The following WFDC3 variants were observed in gnomAD, a reference collection of about 807,000 sequenced individuals.
WFDC3 encodes the protein WAP four-disulfide core domain protein 3.
Under a neutral mutation model 25.8 loss-of-function variants are expected in WFDC3, and 15 were observed. The ratio of observed to expected loss-of-function variants is 0.58; its 90% CI spans 0.39 to 0.89. WFDC3 has a LOEUF of 0.89. WFDC3 is among the 40% of genes least tolerant of loss of function. WFDC3 has a pLI of 0.00. For synonymous variants in WFDC3, 103 were observed against 107.1 expected (o/e 0.96, Z 0.24); for missense variants, 264 against 289.8 (o/e 0.91, Z 0.65).
At chr20:45,784,513 C>T (rs1234081870) in intron 4 of WFDC3, among the ~76,000 whole-genome samples, 1 of 152,128 alleles carries the variant, frequency 6.6e-6, no homozygotes, top group Non-Finnish European at 1.5e-5. Flanking sequence ...AGGCCAAGGC[C>T]GGTGGATCAC....
rs1980756840 is a variant in WFDC3 at position 45,787,870 on chromosome 20, C to T, written c.324G>A (p.Lys108=). ...VKKCCTLGCN[K]SCVVPISKQK... is the part of the protein sequence containing the mutation. ...GTTTAGAGATTGGGACTACACAGCT[C>T]TTGTTGCAGCCAAGCGTGCAGCATT... Residue 108 remains lysine, a synonymous_variant, in exon 4 of 7, where the codon AAG becomes AAA. Transcript: ENST00000243938. 6.2e-7 allele frequency: 1 copy of T among 1,614,052 alleles called. No homozygotes were observed. Among genetic ancestry groups the T allele is most frequent in the Non-Finnish European group, 8.5e-7 (1 of 1,179,962 alleles).
chr20:45,788,918 C>T lies in WFDC3; in HGVS notation c.211+13G>A, dbSNP rs779471079. ...GAGAGTATGCCCAGATTTTGCCCCT[C>T]ATGCCAACATACCCTTAGGAATGTC... On this transcript the variant is annotated intron_variant, in intron 3 of 6. Transcript: ENST00000243938. The T allele has an allele frequency of 5.0e-6, 8 of 1,601,862 alleles. No individual in the cohort carries two copies. Among genetic ancestry groups the T allele is most frequent in the Non-Finnish European group, 6.8e-6 (8 of 1,175,286 alleles).
intron 6 of WFDC3, among the ~76,000 whole-genome samples, chr20:45,775,027 C>G (rs956462371): frequency 1.3e-5 from 2 of 151,928 alleles, no homozygotes; most frequent in African/African-American, 4.8e-5. Flanking sequence ...ATATCCCACA[C>G]ATTCCCACCC....
intron 3 of WFDC3, 199 bp downstream of exon 3, chr20:45,788,732 G>A (rs778597443): frequency 8.4e-5 from 51 of 605,290 alleles, no homozygotes; most frequent in South Asian, 6.3e-4. Flanking sequence ...TCAATGGTGC[G>A]CTCTTTCCTG....
chr20:45,783,617 A>C (rs1980544494), intron 4 of WFDC3, among the ~76,000 whole-genome samples: 1 of 151,972 alleles, frequency 6.6e-6, no homozygotes, highest in Non-Finnish European at 1.5e-5. Flanking sequence ...CACAGCAAGC[A>C]AGCAGAAGAG....
At position 45,774,315 on chromosome 20, in the gene WFDC3, G is replaced by T; in HGVS notation, c.*113C>A. ...CAGCGGCAGGAGGAGAAGCAGAGCA[G>T]AGAGGGCCATGAGTGCCCCTGGAAA... is the stretch of plus-strand genomic sequence containing the variant. On this transcript the variant is annotated 3_prime_UTR_variant, in exon 7 of 7. Coordinates refer to ENST00000243938, the MANE Select transcript of WFDC3 (RefSeq NM_080614.2). 7.0e-7 allele frequency: 1 copy of T among 1,423,534 alleles called. No homozygotes were observed. Among genetic ancestry groups the T allele is most frequent in the Non-Finnish European group, 9.9e-7 (1 of 1,008,040 alleles). The allele number at this position is 1,423,534 out of a possible 1,614,324, so 88.2% of individuals were successfully genotyped here.
chr20:45,780,353 A>C (rs751006102), intron 4 of WFDC3, among the ~76,000 whole-genome samples: 6 of 152,160 alleles, frequency 3.9e-5, no homozygotes, highest in Non-Finnish European at 7.3e-5. Flanking sequence ...CTGACGTCAC[A>C]GGCATGAGTT....
At chr20:45,776,616 AAAAAAGAAAAAAAAAAAAAATAT>A (rs1300121398) in intron 5 of WFDC3, among the ~76,000 whole-genome samples, 1 of 52,468 alleles carries the variant, frequency 1.9e-5, no homozygotes, top group East Asian at 3.4e-4. Context: ...AAAAAAAGAA[AAAAAAGAAAAAAAAAAAAAATAT>A]ATATATATAT....
chr20:45,782,911 C>T (rs1381379136), intron 4 of WFDC3, among the ~76,000 whole-genome samples: 1 of 152,172 alleles, frequency 6.6e-6, no homozygotes, highest in East Asian at 1.9e-4. Context: ...AAGAGAGAAG[C>T]CCTGAAGACC....
intron 6 of WFDC3, 95 bp from the exon 7 acceptor site, chr20:45,774,539 T>C (rs1352335978): frequency 4.5e-6 from 7 of 1,570,940 alleles, no homozygotes; most frequent in Non-Finnish European, 6.1e-6. Context: ...TTGGCCTATA[T>C]TGCTCTCAAA....
intron 3 of WFDC3, 167 bp downstream of exon 3, chr20:45,788,764 G>T: frequency 2.3e-6 from 2 of 852,076 alleles, no homozygotes; most frequent in Non-Finnish European, 3.5e-6. Flanking sequence ...ACAACTGGGG[G>T]CACTGAATAA....
At chr20:45,776,976 G>T (rs150533656) in intron 5 of WFDC3, 99 bp downstream of exon 5, 19 of 1,590,346 alleles carry the variant, frequency 1.2e-5, no homozygotes, top group Non-Finnish European at 1.5e-5. Flanking sequence ...GGACCAGAGG[G>T]ACAGGAAGGA....
At chr20:45,783,888 C>G (rs1366241068) in intron 4 of WFDC3, among the ~76,000 whole-genome samples, 1 of 152,144 alleles carries the variant, frequency 6.6e-6, no homozygotes, top group Non-Finnish European at 1.5e-5. Context: ...TGGAGCTATA[C>G]AAAAGTAGTT....
intron 4 of WFDC3, among the ~76,000 whole-genome samples, chr20:45,784,585 C>A (rs1410418483): frequency 6.6e-6 from 1 of 152,104 alleles, no homozygotes; most frequent in Non-Finnish European, 1.5e-5. Context: ...CTACTAAATA[C>A]AAAAAATTAG....
At chr20:45,783,003 A>T (rs1262944793) in intron 4 of WFDC3, among the ~76,000 whole-genome samples, 3 of 151,948 alleles carry the variant, frequency 2.0e-5, no homozygotes, top group African/African-American at 7.3e-5. Flanking sequence ...CCTTCAAAGC[A>T]CTCATGACTC....
At chr20:45,776,621 AGAAAAAAAAAAAAAATATATAT>A (rs1980181326) in intron 5 of WFDC3, among the ~76,000 whole-genome samples, 2 of 77,864 alleles carry the variant, frequency 2.6e-5, no homozygotes, top group East Asian at 8.0e-4. Context: ...AAGAAAAAAA[AGAAAAAAAAAAAAAATATATAT>A]ATATATATAT....
rs57030583 is a variant in WFDC3, at chr20:45,774,582, C to A, written c.680-138G>T. ...AATAGCTCCTTGCTTCCCAGACAAT[C>A]CAATCCAAACTGGCACTGAAGGCTC... On this transcript the variant is annotated intron_variant, in intron 6 of 6. Coordinates refer to ENST00000243938, the MANE Select transcript of WFDC3 (RefSeq NM_080614.2). 3.7e-3 allele frequency: 4,054 copies of A among 1,100,826 alleles called. 102 individuals carry two copies. The African/African-American group carries it at 0.057, about 15-fold the overall frequency. The allele number at this position is 1,100,826 out of a possible 1,614,324, so 68.2% of individuals were successfully genotyped here. A position where few individuals can be genotyped will look rare whatever the true frequency, so the allele number is the denominator to read the frequency against.
intron 4 of WFDC3, among the ~76,000 whole-genome samples, chr20:45,785,980 C>A (rs1601016385): frequency 1.3e-5 from 2 of 152,302 alleles, no homozygotes; most frequent in East Asian, 3.9e-4. Context: ...ATCTTAAGGC[C>A]TCTGTGTGTG....
At chr20:45,790,081 A>G in intron 1 of WFDC3, 99 bp from the exon 2 acceptor site, 1 of 831,476 alleles carries the variant, frequency 1.2e-6, no homozygotes, top group Non-Finnish European at 2.0e-6. Context: ...CCCCAAACCC[A>G]GTCCCAAAAC....
Sources: allele counts gnomAD v4.1 joint callset (sites outside exome capture counted in the v4.1 genomes callset), GRCh38; gene constraint gnomAD v4.1.1; transcripts MANE v1.5; gene names NCBI Gene and HGNC (gene_info 2026-07-23, HGNC 2026-07-21).